Variants in MYBPC3 observed in about 807,000 individuals in gnomAD.
MYBPC3 encodes myosin binding protein C3, also known as myosin-binding protein C, cardiac-type.
MYBPC3 carries 108 observed loss-of-function variants against 159.3 expected under a neutral mutation model. The observed-to-expected ratio is 0.68, with a 90% CI of 0.58 to 0.80. The LOEUF (loss-of-function observed/expected upper bound fraction) is 0.80, where lower values mean the gene tolerates loss of function less well. Ranked by LOEUF, MYBPC3 falls within the 30% of genes least tolerant of loss-of-function variation. MYBPC3 has a pLI of 0.00. For missense variants in MYBPC3, 1,631 were observed against 1,762.1 expected (o/e 0.93, Z 1.33); for synonymous variants, 730 against 702.0 (o/e 1.04, Z -0.63).
rs786204336 is a variant in MYBPC3, at chr11:47,343,314, C to T, written c.1224-52G>A. On this transcript the variant is annotated intron_variant, in intron 13 of 34. Transcript: ENST00000545968. ...TGTTCCCGACGGGAGGAAGTGAGCC[C>T]GAGACAAAAGGAGAGAGAGAGAGGG... 5.2e-5 allele frequency: 79 copies of T among 1,522,824 alleles called. No homozygotes were observed. Among genetic ancestry groups the T allele is most frequent in the South Asian group, 1.5e-4 (12 of 78,060 alleles). 94.3% of individuals were successfully genotyped at this position (1,522,824 alleles called of 1,614,324 possible).
chr11:47,347,589 C>T (rs2095895551), intron 8 of MYBPC3, 62 bp downstream of exon 8: 1 of 1,559,974 alleles, frequency 6.4e-7, no homozygotes, highest in Admixed American at 1.9e-5. Flanking sequence ...GATTGGGCTC[C>T]CACCCGTCTC....
At chr11:47,335,264 A>G (rs949334760) in intron 26 of MYBPC3, 55 bp from the exon 27 acceptor site, 7 of 1,376,052 alleles carry the variant, frequency 5.1e-6, no homozygotes, top group South Asian at 1.5e-5. Context: ...CTGACACCCC[A>G]CTCCCACTGC....
chr11:47,333,246 C>G lies in MYBPC3; in HGVS notation c.3278G>C (p.Gly1093Ala). 6.3e-7 allele frequency: 1 copy of G among 1,587,368 alleles called. No homozygotes were observed. The highest frequency in any genetic ancestry group is 1.3e-5 in the African/African-American group (1 of 74,482). ...TGTGTACCCCCAGAGCTCCGTGTTGCCGACATCCTGGGGTGGCTTCCACTC... is the reference window on the plus strand; with the variant it reads ...TGTGTACCCCCAGAGCTCCGTGTTGGCGACATCCTGGGGTGGCTTCCACTC... ...ALEWKPPQDV[G>A]NTELWGYTVQ... The change falls in exon 30 of 35, where the codon GGC becomes GCC. Residue 1093 changes from glycine (G) to alanine (A), a missense_variant. Physicochemically the swap from Gly to Ala is moderately conservative, Grantham distance 60 (BLOSUM62 0). Coordinates refer to ENST00000545968, the MANE Select transcript of MYBPC3 (RefSeq NM_000256.3).
In MYBPC3 at chr11:47,333,640, C is replaced by T. The variant is rs374255381; in HGVS notation, c.3107G>A (p.Arg1036His). 7.1e-5 allele frequency: 114 copies of T among 1,608,378 alleles called. No homozygotes were observed. Among genetic ancestry groups the T allele is most frequent in the Non-Finnish European group, 9.4e-5 (111 of 1,179,840 alleles). The change falls in exon 29 of 35, where the codon CGC becomes CAC. Residue 1036 changes from arginine (R) to histidine (H), a missense_variant. Physicochemically the swap from Arg to His is conservative, Grantham distance 29. Coordinates refer to ENST00000545968, the MANE Select transcript of MYBPC3 (RefSeq NM_000256.3). ...CTGGTAAGTGCCTGAATGCACGCGG[C>T]GAGCGGCCCGGATGAACAGGATGGT... is the stretch of plus-strand genomic sequence containing the variant. Reference protein sequence around the residue: ...TDTILFIRAARRVHSGTYQVT... With the variant: ...TDTILFIRAAHRVHSGTYQVT...
chr11:47,341,096 G>GGA (rs1267574828), intron 19 of MYBPC3, 42 bp downstream of exon 19: 1 of 1,566,654 alleles, frequency 6.4e-7, no homozygotes, highest in Non-Finnish European at 8.7e-7. Flanking sequence ...AGGGGCTCCT[G>GGA]GCCCCACTGC....
At chr11:47,342,977 C>G (rs1354107735) in intron 15 of MYBPC3, 42 bp from the exon 16 acceptor site, 1 of 1,612,352 alleles carries the variant, frequency 6.2e-7, no homozygotes, top group East Asian at 2.2e-5. Context: ...TCCCCTGAGG[C>G]CATCTCCTCC....
chr11:47,331,754 C>T, intron 34 of MYBPC3, 38 bp from the exon 35 acceptor site: 1 of 1,306,536 alleles, frequency 7.7e-7, no homozygotes. Flanking sequence ...ATGGAGGGCC[C>T]CTACAGCCTC....
rs765120057 is a variant in MYBPC3 at position 47,336,021 on chromosome 11, G to A, written c.2603-10C>T. ...GGTTCGCTGGGGGGACCTGGGCAGA[G>A]GAGAGGTCAGAGAGGGGTCTGAGCA... On this transcript the variant is annotated splice_polypyrimidine_tract_variant and intron_variant, in intron 25 of 34. Coordinates refer to ENST00000545968, the MANE Select transcript of MYBPC3 (RefSeq NM_000256.3). 38 of 1,498,770 alleles carry A rather than the reference G, an allele frequency of 2.5e-5. No individual in the cohort carries two copies. The highest frequency in any genetic ancestry group is 2.5e-4 in the Middle Eastern group (1 of 4,000). 92.8% of individuals were successfully genotyped at this position (1,498,770 alleles called of 1,614,324 possible). A position where few individuals can be genotyped will look rare whatever the true frequency, so the allele number is the denominator to read the frequency against.
rs1043425020 is a variant in MYBPC3 at position 47,331,533 on chromosome 11, G to T, written c.*210C>A. 1 of 285,906 alleles carries T rather than the reference G, an allele frequency of 3.5e-6. No homozygotes were observed. The highest frequency in any genetic ancestry group is 5.9e-5 in the East Asian group (1 of 16,960). 17.7% of individuals were successfully genotyped at this position (285,906 alleles called of 1,614,324 possible). On this transcript the variant is annotated 3_prime_UTR_variant, in exon 35 of 35. Coordinates refer to ENST00000545968, the MANE Select transcript of MYBPC3 (RefSeq NM_000256.3). ...CCTCCTTTTACCCCAAAGATCCAGG[G>T]GCTTCCTTCAGGAGCCCTGTGGACC... is the stretch of plus-strand genomic sequence containing the variant.
chr11:47,347,510 G>T, intron 8 of MYBPC3, 31 bp from the exon 9 acceptor site: 1 of 1,586,906 alleles, frequency 6.3e-7, no homozygotes, highest in Non-Finnish European at 8.6e-7. Context: ...TGAGGCTGCA[G>T]TGAGGGACTG....
chr11:47,348,820 G>T (rs370878718), intron 5 of MYBPC3, among the ~76,000 whole-genome samples: 1 of 148,302 alleles, frequency 6.7e-6, no homozygotes, highest in Non-Finnish European at 1.5e-5. Context: ...TGGGAGAATC[G>T]CTTGAACCCA....
Position 47,333,977 on chromosome 11 carries a change from C to T in MYBPC3, c.2939G>A (p.Arg980His), listed in dbSNP as rs727503179. 19 of 1,585,428 alleles carry T rather than the reference C, an allele frequency of 1.2e-5. No individual in the cohort carries two copies. The highest frequency in any genetic ancestry group is 9.4e-5 in the African/African-American group (7 of 74,328). Residue 980 changes from arginine (R) to histidine (H), a missense_variant, in exon 28 of 35, where the codon CGC (arginine) becomes CAC (histidine). Transcript: ENST00000545968. ...CCCGACCTTCTTCTGAATGGTCTGG[C>T]GCAGGTGCCTGGGCAGCTGAAGCCG... The part of the protein sequence containing the change: ...RPRLQLPRHL[R>H]QTIQKKVGEP...
rs2095884181 is a variant in MYBPC3, at chr11:47,337,929, G to C, written c.2309-135C>G. The C allele has an allele frequency of 6.7e-6, 4 of 598,414 alleles. No individual in the cohort carries two copies. The South Asian group carries it at 8.7e-5, about 13-fold the overall frequency. 37.1% of individuals were successfully genotyped at this position (598,414 alleles called of 1,614,324 possible). On this transcript the variant is annotated intron_variant, in intron 23 of 34. Coordinates refer to ENST00000545968, the MANE Select transcript of MYBPC3 (RefSeq NM_000256.3). ...CCCCAGATCCAAAGAGATCTTTCTAGAATGCATTTCTTTCTTCTTTTCCTT... is the reference window on the plus strand; with the variant it reads ...CCCCAGATCCAAAGAGATCTTTCTACAATGCATTTCTTTCTTCTTTTCCTT...
At chr11:47,337,262 C>T in intron 25 of MYBPC3, 129 bp downstream of exon 25, 2 of 1,011,698 alleles carry the variant, frequency 2.0e-6, no homozygotes, top group Non-Finnish European at 2.8e-6. Context: ...GGCTGAGTAT[C>T]CCCAGTCGAG....
chr11:47,347,520 G>A, intron 8 of MYBPC3, 41 bp from the exon 9 acceptor site: 2 of 1,581,330 alleles, frequency 1.3e-6, no homozygotes, highest in Non-Finnish European at 1.7e-6. Flanking sequence ...GTGAGGGACT[G>A]GAAAGGGATT....
chr11:47,339,225 T>G, intron 22 of MYBPC3, 99 bp downstream of exon 22: 1 of 1,306,356 alleles, frequency 7.7e-7, no homozygotes, highest in Non-Finnish European at 1.1e-6. Flanking sequence ...CCCGGCCAAG[T>G]GTGGCACCTC....
chr11:47,337,622 T>C (rs777501886), intron 24 of MYBPC3, 43 bp from the exon 25 acceptor site: 6 of 1,612,792 alleles, frequency 3.7e-6, no homozygotes, highest in Admixed American at 1.7e-5. Flanking sequence ...AACCCAGGCA[T>C]CCCCACACCA....
At chr11:47,342,222 G>A in intron 17 of MYBPC3, 66 bp from the exon 18 acceptor site, 1 of 1,563,856 alleles carries the variant, frequency 6.4e-7, no homozygotes, top group Admixed American at 1.8e-5. Flanking sequence ...TCCCTGTGGA[G>A]GGCGTGTGGG....
rs11570073 is a variant in MYBPC3, at chr11:47,343,672, T to C, written c.1091-48A>G. 3.3e-3 allele frequency: 4,948 copies of C among 1,498,714 alleles called. 136 individuals are homozygous for C. The African/African-American group carries it at 0.064, about 19-fold the overall frequency. 92.8% of individuals were successfully genotyped at this position (1,498,714 alleles called of 1,614,324 possible). On this transcript the variant is annotated intron_variant, in intron 12 of 34. Coordinates refer to ENST00000545968, the MANE Select transcript of MYBPC3 (RefSeq NM_000256.3). ...GGCCACCCCACCGCCCGCACCCTGC[T>C]CCCCCAGGCCAAGCTACTGTGGCTG...
Sources: gnomAD v4.1 joint callset for allele counts (sites outside exome capture counted in the v4.1 genomes callset) on GRCh38, gnomAD v4.1.1 for gene constraint, MANE v1.5 for transcripts, NCBI Gene and HGNC (gene_info 2026-07-23, HGNC 2026-07-21) for gene names.